The following PHF3 variants were observed in gnomAD, a reference collection of about 807,000 sequenced individuals.
The protein encoded by PHF3 is PHD finger protein 3.
A neutral mutation model predicts 178.4 loss-of-function variants in PHF3; 41 were observed. The ratio of observed to expected loss-of-function variants is 0.23; its 90% confidence interval spans 0.18 to 0.30. The LOEUF is 0.30. PHF3 is among the 10% of genes least tolerant of loss of function. PHF3 has a pLI of 1.00. For missense variants in PHF3, 2,346 were observed against 2,398.1 expected (o/e 0.98, Z 0.45); for synonymous variants, 842 against 800.5 (o/e 1.05, Z -0.88).
At position 63,711,604 on chromosome 6, in the gene PHF3, C is replaced by G; in HGVS notation, c.4016C>G (p.Pro1339Arg). The G allele has an allele frequency of 6.3e-7, 1 of 1,589,812 alleles. No homozygotes were observed. The highest frequency in any genetic ancestry group is 8.5e-7 in the Non-Finnish European group (1 of 1,173,494). The change falls in exon 16 of 16, where the codon CCT (proline) becomes CGT (arginine). Residue 1339 changes from proline (P) to arginine (R), a missense_variant. By Grantham distance (103) the Pro-to-Arg change is moderately radical. This residue lies in a region of PHF3 where 90 missense variants were observed against 136.6 expected (regional missense o/e 0.66). Transcript: ENST00000262043. ...FDGPGLELHR[P>R]NLLLGLIIRQ... ...TATACAGGGCTTGAACTGCATAGAC[C>G]TAATCTATTGTTGGGCTTAATTATT... is the stretch of plus-strand genomic sequence containing the variant.
intron 2 of PHF3, among the ~76,000 whole-genome samples, chr6:63,667,020 G>A (rs1765710751): frequency 6.6e-6 from 1 of 151,948 alleles, no homozygotes; most frequent in African/African-American, 2.4e-5. Flanking sequence ...TCAAAGTGCT[G>A]GGATTGCAGA....
At chr6:63,639,224 C>A (rs1410100259) in intron 1 of PHF3, among the ~76,000 whole-genome samples, 1 of 152,128 alleles carries the variant, frequency 6.6e-6, no homozygotes, top group Non-Finnish European at 1.5e-5. Flanking sequence ...GAAGTTTTAA[C>A]CTGTTGGCAT....
At chr6:63,678,696 C>G (rs936623489) in intron 2 of PHF3, 8 of 294,192 alleles carry the variant, frequency 2.7e-5, no homozygotes, top group African/African-American at 1.6e-4. Flanking sequence ...CCATTCTTTC[C>G]TCTCTTTAAA....
At chr6:63,668,805 T>A (rs1484437344) in intron 2 of PHF3, among the ~76,000 whole-genome samples, 1 of 152,240 alleles carries the variant, frequency 6.6e-6, no homozygotes, top group Non-Finnish European at 1.5e-5. Flanking sequence ...GTTTTGTTAC[T>A]GTTATAGAGG....
rs1768093605 is a variant in PHF3, at chr6:63,713,958, A to G, written c.*250A>G. 3.0e-6 allele frequency: 1 copy of G among 337,496 alleles called. No homozygotes were observed. The highest frequency in any genetic ancestry group is 4.5e-5 in the Admixed American group (1 of 22,194). The allele number at this position is 337,496 out of a possible 1,614,324, so 20.9% of individuals were successfully genotyped here. On this transcript the variant is annotated 3_prime_UTR_variant, in exon 16 of 16. Transcript: ENST00000262043. ...AAAGTTTTACATTGCTGTATATTCA[A>G]AGATTTGTTTTATTAATATGCAATA...
In PHF3 at chr6:63,684,987, A is replaced by C; in HGVS notation, c.1265A>C (p.Glu422Ala). The C allele has an allele frequency of 6.2e-7, 1 of 1,614,078 alleles. No homozygotes were observed. Among genetic ancestry groups the C allele is most frequent in the East Asian group, 2.2e-5 (1 of 44,862 alleles). ...ACTGAGTTTAATAAATCAAACTTAG[A>C]GGTGGTTGATACTAGTACTTTTGGA... is the stretch of plus-strand genomic sequence containing the variant. ...ESTEFNKSNL[E>A]VVDTSTFGPE... The change falls in exon 4 of 16, where the codon GAG (glutamate) becomes GCG (alanine). Residue 422 changes from glutamate (E) to alanine (A), a missense_variant. This residue lies in a region of PHF3 where 843 missense variants were observed against 795.2 expected (regional missense o/e 1.06). Transcript: ENST00000262043.
At chr6:63,644,498 G>C (rs1288000304) in intron 1 of PHF3, among the ~76,000 whole-genome samples, 2 of 152,082 alleles carry the variant, frequency 1.3e-5, no homozygotes, top group Non-Finnish European at 2.9e-5. Context: ...ATTCTTAAAG[G>C]AACTTGTCCT....
At chr6:63,659,855 T>C (rs953559904) in intron 2 of PHF3, among the ~76,000 whole-genome samples, 6 of 152,158 alleles carry the variant, frequency 3.9e-5, no homozygotes, top group African/African-American at 1.2e-4. Context: ...CCCAGTAAAC[T>C]GAAGTTTTGA....
chr6:63,669,975 AT>A (rs950466564), intron 2 of PHF3, among the ~76,000 whole-genome samples: 9 of 151,164 alleles, frequency 6.0e-5, no homozygotes, highest in African/African-American at 1.2e-4. Flanking sequence ...CAGAGTTGAC[AT>A]TTTTTTTTCT....
At chr6:63,647,705 T>C (rs1764849256) in intron 2 of PHF3, among the ~76,000 whole-genome samples, 1 of 152,202 alleles carries the variant, frequency 6.6e-6, no homozygotes, top group African/African-American at 2.4e-5. Flanking sequence ...AAGAAATTAC[T>C]TTGTCATGTT....
rs1159486175 is a variant in PHF3, at chr6:63,724,264, CTCA to C, written c.*10562_*10564del. On this transcript the variant is annotated 3_prime_UTR_variant, in exon 16 of 16. Transcript: ENST00000262043. ...ACCTTTGTTCTGCTATTGTTTCTACCTCATCATCTGCTATCCCACCGTGCTTTA... is the reference window on the plus strand; with the variant it reads ...ACCTTTGTTCTGCTATTGTTTCTACCTCATCTGCTATCCCACCGTGCTTTA... 6.6e-6 allele frequency among the ~76,000 whole-genome samples: 1 copy of C among 152,102 alleles called. No homozygotes were observed. Among genetic ancestry groups the C allele is most frequent in the Non-Finnish European group, 1.5e-5 (1 of 68,020 alleles).
chr6:63,675,033 A>G (rs1582052926), intron 2 of PHF3, among the ~76,000 whole-genome samples: 1 of 152,272 alleles, frequency 6.6e-6, no homozygotes, highest in Non-Finnish European at 1.5e-5. Context: ...ATAGGTTTAA[A>G]TTACATAGTC....
intron 14 of PHF3, among the ~76,000 whole-genome samples, chr6:63,710,038 A>G (rs771242362): frequency 3.9e-5 from 6 of 152,194 alleles, no homozygotes; most frequent in Non-Finnish European, 8.8e-5. Context: ...TCGATAAATA[A>G]ATCTTGAATG....
chr6:63,659,455 T>C (rs1445441068), intron 2 of PHF3, among the ~76,000 whole-genome samples: 1 of 152,132 alleles, frequency 6.6e-6, no homozygotes, highest in Non-Finnish European at 1.5e-5. Flanking sequence ...CCAGCTCTTT[T>C]CTCTTAAGGG....
rs1322523178 is a variant in PHF3 at position 63,718,275 on chromosome 6, A to G, written c.*4567A>G. Among the ~76,000 whole-genome samples, 2 of 151,998 alleles carry G rather than the reference A, an allele frequency of 1.3e-5. No individual in the cohort carries two copies. The highest frequency in any genetic ancestry group is 4.8e-5 in the African/African-American group (2 of 41,434). On this transcript the variant is annotated 3_prime_UTR_variant, in exon 16 of 16. Coordinates refer to ENST00000262043, the MANE Select transcript of PHF3 (RefSeq NM_001370348.2). Reference sequence around the variant, plus strand: ...GGAGATTACAGGTAGAAAAGTTATAAAATCTGAACGTAAAATTGCAACTGT... The same window carrying G: ...GGAGATTACAGGTAGAAAAGTTATAGAATCTGAACGTAAAATTGCAACTGT...
In PHF3 at chr6:63,704,863, C is replaced by T. The variant is rs1225566147; in HGVS notation, c.3368-1166C>T. ...AGCCATTTTGCCTTCCTGCCAGCAACGAATCAGAGTTCATTTTGCCTTCCC... is the reference window on the plus strand; with the variant it reads ...AGCCATTTTGCCTTCCTGCCAGCAATGAATCAGAGTTCATTTTGCCTTCCC... On this transcript the variant is annotated intron_variant, in intron 11 of 15. Coordinates refer to ENST00000262043, the MANE Select transcript of PHF3 (RefSeq NM_001370348.2). Among the ~76,000 whole-genome samples the T allele has an allele frequency of 2.0e-5, 3 of 152,092 alleles. No homozygotes were observed. In the South Asian group the frequency reaches 6.2e-4, roughly 32 times the overall value.
chr6:63,711,319 C>T lies in PHF3; in HGVS notation c.3954C>T (p.Ala1318=). Residue 1318 remains alanine, a synonymous_variant, in exon 15 of 16, where the codon GCC becomes GCT. Coordinates refer to ENST00000262043, the MANE Select transcript of PHF3 (RefSeq NM_001370348.2). ...ATATGTACCTTATTCCTTTGGGTGCCACAGATAAAATTCCACACCCTCTTG... is the reference window on the plus strand; with the variant it reads ...ATATGTACCTTATTCCTTTGGGTGCTACAGATAAAATTCCACACCCTCTTG... ...VKDMYLIPLG[A]TDKIPHPLVP... 4 of 1,612,900 alleles carry T rather than the reference C, an allele frequency of 2.5e-6. No homozygotes were observed. Among genetic ancestry groups the T allele is most frequent in the Non-Finnish European group, 3.4e-6 (4 of 1,179,478 alleles).
chr6:63,679,887 C>A, intron 2 of PHF3, 113 bp from the exon 3 acceptor site: 1 of 871,520 alleles, frequency 1.1e-6, no homozygotes, highest in Non-Finnish European at 1.9e-6. Flanking sequence ...TCCAGATTTT[C>A]AAGAGTATGT....
chr6:63,637,205 T>TA (rs1764379657), intron 1 of PHF3, among the ~76,000 whole-genome samples: 1 of 152,220 alleles, frequency 6.6e-6, no homozygotes, highest in Non-Finnish European at 1.5e-5. Context: ...AAGCTAAATT[T>TA]AAAAACCAAT....
Sources: allele counts gnomAD v4.1 joint callset (sites outside exome capture counted in the v4.1 genomes callset), GRCh38; gene constraint gnomAD v4.1.1; regional missense constraint gnomAD v4.1.1; transcripts MANE v1.5; gene names NCBI Gene and HGNC (gene_info 2026-07-23, HGNC 2026-07-21).